The following NAV3 variants were observed in gnomAD, a reference collection of about 807,000 sequenced individuals.
NAV3 encodes pore membrane and/or filament interacting like protein 1.
NAV3 carries 87 observed loss-of-function variants against 244.7 expected under a neutral mutation model. That is an observed-to-expected ratio of 0.36 (90% CI 0.30 to 0.42). The LOEUF is 0.42. NAV3 is among the 20% of genes least tolerant of loss of function. The pLI is 1.00. For synonymous variants in NAV3, 1,126 were observed against 1,042.2 expected, an observed-to-expected ratio of 1.08 and a Z score of -1.55; for missense variants, 2,663 against 2,893.3, an observed-to-expected ratio of 0.92 and a Z score of 1.83.
At chr12:77,696,094 T>C (rs1875283134) in intron 2 of NAV3, among the ~76,000 whole-genome samples, 1 of 152,118 alleles carries the variant, frequency 6.6e-6, no homozygotes. Flanking sequence ...CCTAATTCAA[T>C]CACACTGAGA....
intron 2 of NAV3, among the ~76,000 whole-genome samples, chr12:77,658,860 A>T (rs2137025989): frequency 1.3e-5 from 2 of 152,362 alleles, no homozygotes; most frequent in South Asian, 2.1e-4. Flanking sequence ...CAATGGGGAA[A>T]GGATTCCCTA....
chr12:77,744,501 A>G (rs1242857140), intron 2 of NAV3, among the ~76,000 whole-genome samples: 2 of 152,000 alleles, frequency 1.3e-5, no homozygotes, highest in East Asian at 3.9e-4. Context: ...GGAAGACATT[A>G]CAGGTATCTA....
chr12:78,203,188 G>A (rs1007028447), intron 38 of NAV3, among the ~76,000 whole-genome samples: 4 of 151,894 alleles, frequency 2.6e-5, no homozygotes, highest in Admixed American at 6.6e-5. Context: ...TACAATATGT[G>A]TTTCACTCGG....
At chr12:77,797,956 G>T (rs1193792944) in intron 2 of NAV3, among the ~76,000 whole-genome samples, 1 of 151,806 alleles carries the variant, frequency 6.6e-6, no homozygotes, top group Non-Finnish European at 1.5e-5. Context: ...ATCCCTTGAG[G>T]CCAGGAGTTT....
intron 12 of NAV3, among the ~76,000 whole-genome samples, chr12:78,064,779 C>T (rs373184611): frequency 9.0e-4 from 137 of 151,730 alleles, no homozygotes; most frequent in African/African-American, 2.9e-3. Flanking sequence ...ATCATATATA[C>T]GAGTGTATAC....
chr12:77,829,010 C>A (rs1873312440), upstream of NAV3, among the ~76,000 whole-genome samples: 1 of 152,178 alleles, frequency 6.6e-6, no homozygotes, highest in South Asian at 2.1e-4. Flanking sequence ...AGAATTATAA[C>A]CTTGGGTGGG....
rs2136564744 is a variant in NAV3 at position 78,006,663 on chromosome 12, A to G, written c.1125A>G (p.Lys375=). The change falls in exon 8 of 40, where the codon AAA becomes AAG. Residue 375 remains lysine, a synonymous_variant. Transcript: ENST00000397909. The part of the protein sequence containing the change: ...RLKPPVSEGV[K]TAPSGQKSML... ...AGCCACCTGTCTCAGAAGGGGTCAA[A>G]ACTGCTCCCTCAGGACAGAAATCCA... 1 of 1,614,078 alleles carries G rather than the reference A, an allele frequency of 6.2e-7. No homozygotes were observed. The highest frequency in any genetic ancestry group is 8.5e-7 in the Non-Finnish European group (1 of 1,180,012).
At chr12:77,944,861 C>T (rs563166813) in intron 3 of NAV3, among the ~76,000 whole-genome samples, 1 of 152,194 alleles carries the variant, frequency 6.6e-6, no homozygotes. Flanking sequence ...GTAGCTGAAG[C>T]TCTAATACGT....
At chr12:77,654,594 G>A (rs74424950) in intron 2 of NAV3, among the ~76,000 whole-genome samples, 35,266 of 151,572 alleles carry the variant, frequency 0.23, 6,160 homozygotes, top group African/African-American at 0.49. Flanking sequence ...ACAGCTTTGA[G>A]GAGAGCAGTG....
chr12:78,049,343 C>T (rs1882371988), intron 9 of NAV3, among the ~76,000 whole-genome samples: 1 of 152,128 alleles, frequency 6.6e-6, no homozygotes, highest in South Asian at 2.1e-4. Flanking sequence ...GTGGTGTGGA[C>T]ACCCAATGGA....
At chr12:78,159,070 G>C in intron 22 of NAV3, 133 bp from the exon 23 acceptor site, 1 of 577,156 alleles carries the variant, frequency 1.7e-6, no homozygotes, top group Non-Finnish European at 3.0e-6. Context: ...TCACCAGTCA[G>C]AGCTAACTAT....
intron 20 of NAV3, 132 bp from the exon 21 acceptor site, chr12:78,146,235 CTT>C (rs761883528): frequency 1.1e-4 from 34 of 307,530 alleles, no homozygotes; most frequent in African/African-American, 3.2e-4. Context: ...AATTGAATAA[CTT>C]AATGTATTTC....
At chr12:77,873,767 TGTATATAAC>T (rs1881423676) in intron 1 of NAV3, among the ~76,000 whole-genome samples, 1 of 76,334 alleles carries the variant, frequency 1.3e-5, no homozygotes, top group African/African-American at 4.1e-5. Flanking sequence ...TATATATATA[TGTATATAAC>T]AGCATATGCA....
chr12:77,600,913 A>G (rs539710556), intron 2 of NAV3, among the ~76,000 whole-genome samples: 3 of 151,998 alleles, frequency 2.0e-5, no homozygotes, highest in Admixed American at 2.0e-4. Flanking sequence ...CTAGTACATA[A>G]TCTACATAAT....
intron 5 of NAV3, among the ~76,000 whole-genome samples, chr12:77,989,965 C>A (rs1048544256): frequency 1.3e-5 from 2 of 152,098 alleles, no homozygotes; most frequent in Admixed American, 6.5e-5. Context: ...AAATGAGTAT[C>A]CAACCATTCC....
intron 2 of NAV3, among the ~76,000 whole-genome samples, chr12:77,608,708 T>C (rs1870778229): frequency 6.6e-6 from 1 of 152,138 alleles, no homozygotes; most frequent in Admixed American, 6.6e-5. Flanking sequence ...GGGAGTTCTC[T>C]ATTTTAAGTC....
At chr12:77,652,479 C>T (rs952125676) in intron 2 of NAV3, among the ~76,000 whole-genome samples, 3 of 152,264 alleles carry the variant, frequency 2.0e-5, no homozygotes, top group South Asian at 2.1e-4. Context: ...CAAACATTCT[C>T]TCTTTTCAAA....
At chr12:77,860,458 A>C (rs1171600100) in intron 1 of NAV3, among the ~76,000 whole-genome samples, 1 of 151,542 alleles carries the variant, frequency 6.6e-6, no homozygotes, top group African/African-American at 2.4e-5. Context: ...GGCTTTTTAT[A>C]ATGTATATTA....
chr12:77,679,507 A>T (rs542752566), intron 2 of NAV3, among the ~76,000 whole-genome samples: 1 of 152,186 alleles, frequency 6.6e-6, no homozygotes, highest in South Asian at 2.1e-4. Context: ...GGGTACATAC[A>T]TAAGTCTGGA....
Sources: allele counts gnomAD v4.1 joint callset (sites outside exome capture counted in the v4.1 genomes callset), GRCh38; gene constraint gnomAD v4.1.1; transcripts MANE v1.5; gene names NCBI Gene and HGNC (gene_info 2026-07-23, HGNC 2026-07-21).